Variants in RANBP17 observed in about 807,000 individuals in gnomAD.
RANBP17 encodes RAN binding protein 17.
A neutral mutation model predicts 141.2 loss-of-function variants in RANBP17; 158 were observed. The ratio of observed to expected loss-of-function variants is 1.12; its 90% CI spans 0.98 to 1.28. The LOEUF (loss-of-function observed/expected upper bound fraction) is 1.28, where lower values mean the gene tolerates loss of function less well. Ranked by LOEUF, RANBP17 falls within the 50% of genes most tolerant of loss-of-function variation. RANBP17 has a pLI of 0.00. For missense variants in RANBP17, 1,438 were observed against 1,290.7 expected (o/e 1.11, Z -1.75); for synonymous variants, 430 against 450.0 (o/e 0.96, Z 0.56).
chr5:170,973,232 GATGAA>G (rs1341397871), intron 14 of RANBP17, among the ~76,000 whole-genome samples: 1 of 152,170 alleles, frequency 6.6e-6, no homozygotes, highest in African/African-American at 2.4e-5. Flanking sequence ...AACAGCATAT[GATGAA>G]ATGAAGACCA....
intron 14 of RANBP17, among the ~76,000 whole-genome samples, chr5:171,009,328 C>G (rs1466978416): frequency 1.3e-5 from 2 of 152,168 alleles, no homozygotes; most frequent in Non-Finnish European, 2.9e-5. Flanking sequence ...TTGGTGTTCT[C>G]TAAATCATAG....
chr5:171,160,748 C>G (rs1297233291), intron 14 of RANBP17, among the ~76,000 whole-genome samples: 3 of 152,072 alleles, frequency 2.0e-5, no homozygotes, highest in Non-Finnish European at 2.9e-5. Flanking sequence ...AGTTGCCACA[C>G]TTCTATAATG....
intron 14 of RANBP17, among the ~76,000 whole-genome samples, chr5:171,159,435 A>G (rs1330362364): frequency 2.0e-5 from 3 of 152,214 alleles, no homozygotes; most frequent in Non-Finnish European, 4.4e-5. Context: ...TATGTCCTAC[A>G]ATAGGAGAAG....
Position 171,199,443 on chromosome 5 carries a change from G to GA in RANBP17, c.2039-217dup, listed in dbSNP as rs886712544. Among the ~76,000 whole-genome samples, 136 of 148,450 alleles carry GA rather than the reference G, an allele frequency of 9.2e-4. 1 individual carries two copies. Among genetic ancestry groups the GA allele is most frequent in the Non-Finnish European group, 1.5e-3 (100 of 66,824 alleles). On this transcript the variant is annotated intron_variant, in intron 18 of 27. Transcript: ENST00000523189. ...TCTATTAGATCCACTAAAGAACCAG[G>GA]AAAAAAAAAATGGCTGGTAAGTAAT...
intron 14 of RANBP17, among the ~76,000 whole-genome samples, chr5:171,158,850 A>G (rs1271190798): frequency 2.6e-5 from 4 of 152,182 alleles, no homozygotes; most frequent in Admixed American, 2.6e-4. Flanking sequence ...TGCCTAACAC[A>G]TGATACTCTC....
chr5:171,190,645 A>G (rs1263274623), intron 18 of RANBP17, among the ~76,000 whole-genome samples: 1 of 152,186 alleles, frequency 6.6e-6, no homozygotes, highest in African/African-American at 2.4e-5. Context: ...TAAAGGAAAG[A>G]TAGTATTACC....
intron 1 of RANBP17, among the ~76,000 whole-genome samples, chr5:170,866,370 C>T (rs1341796558): frequency 3.3e-5 from 5 of 152,130 alleles, no homozygotes. Flanking sequence ...AAATCTGAAA[C>T]TACTGAGAAG....
chr5:171,265,086 T>G (rs1766580432), intron 24 of RANBP17, among the ~76,000 whole-genome samples: 1 of 152,204 alleles, frequency 6.6e-6, no homozygotes, highest in African/African-American at 2.4e-5. Flanking sequence ...CAGAGCACTT[T>G]GCACTAAGTA....
chr5:171,198,487 C>T (rs1325629343), intron 18 of RANBP17, among the ~76,000 whole-genome samples: 1 of 152,218 alleles, frequency 6.6e-6, no homozygotes, highest in Admixed American at 6.5e-5. Context: ...CTGCCAGGAC[C>T]TCCGTTACTT....
At chr5:171,194,660 T>C (rs1010693374) in intron 18 of RANBP17, among the ~76,000 whole-genome samples, 5 of 152,252 alleles carry the variant, frequency 3.3e-5, no homozygotes, top group African/African-American at 1.2e-4. Flanking sequence ...ATAATACAGC[T>C]GTGAGCATTT....
intron 14 of RANBP17, among the ~76,000 whole-genome samples, chr5:171,052,708 C>T (rs1179450038): frequency 6.6e-6 from 1 of 152,226 alleles, no homozygotes; most frequent in South Asian, 2.1e-4. Context: ...AGGACTCTTT[C>T]CAATTGCAAA....
At chr5:170,866,748 T>A (rs372710435) in intron 1 of RANBP17, 1 of 151,994 alleles carries the variant, frequency 6.6e-6, no homozygotes, top group Non-Finnish European at 1.5e-5. Context: ...TTTGGGTGAT[T>A]TTTTTATATC....
chr5:171,298,843 C>T lies in RANBP17; in HGVS notation c.3252C>T (p.Leu1084=), dbSNP rs771836030. 5 of 1,613,812 alleles carry T rather than the reference C, an allele frequency of 3.1e-6. No individual in the cohort carries two copies. In the African/African-American group the frequency reaches 5.3e-5, roughly 17 times the overall value. The part of the protein sequence containing the change: ...RSDGNTEPCS[L]DMMS ...ATGGCAACACTGAACCATGCAGTCT[C>T]GACATGATGAGCTGACCCGACTTTT... Residue 1084 remains leucine (L), a synonymous_variant, in exon 28 of 28, where the codon CTC becomes CTT. Transcript: ENST00000523189.
chr5:170,871,484 C>T (rs1025064110), intron 1 of RANBP17, among the ~76,000 whole-genome samples: 1 of 152,048 alleles, frequency 6.6e-6, no homozygotes, highest in Admixed American at 6.6e-5. Context: ...TTGCCTGTTC[C>T]CTCTGATGAT....
chr5:171,242,844 T>G, intron 24 of RANBP17, 24 bp downstream of exon 24: 1 of 1,609,822 alleles, frequency 6.2e-7, no homozygotes, highest in Non-Finnish European at 8.5e-7. Flanking sequence ...AGGACATTGT[T>G]TCCATAGGAA....
intron 14 of RANBP17, among the ~76,000 whole-genome samples, chr5:171,168,844 TTC>T (rs148930265): frequency 8.2e-4 from 121 of 148,080 alleles, no homozygotes; most frequent in Non-Finnish European, 8.6e-4. Flanking sequence ...CTCTCTCTGT[TTC>T]TCTCTCTCTC....
intron 14 of RANBP17, among the ~76,000 whole-genome samples, chr5:170,985,379 G>A (rs75636395): frequency 0.024 from 3,651 of 152,244 alleles, 128 homozygotes; most frequent in African/African-American, 0.082. Flanking sequence ...CATAAACAGT[G>A]ATACTGATCA....
rs148133219 is a variant in RANBP17, at chr5:171,022,625, C to A, written c.1710+54248C>A. ...GTGGGAGACATGTCTTCGTACCAAG[C>A]CTTCCAGCCTCCCTGGTCCCAGGAG... is the stretch of plus-strand genomic sequence containing the variant. On this transcript the variant is annotated intron_variant, in intron 14 of 27. Transcript: ENST00000523189. Among the ~76,000 whole-genome samples, 7 of 152,336 alleles carry A rather than the reference C, an allele frequency of 4.6e-5. No homozygotes were observed. The East Asian group carries it at 1.2e-3, about 25-fold the overall frequency.
At chr5:171,249,640 C>CA (rs1281202364) in intron 24 of RANBP17, among the ~76,000 whole-genome samples, 2 of 152,146 alleles carry the variant, frequency 1.3e-5, no homozygotes, top group African/African-American at 4.8e-5. Flanking sequence ...TTGAAAGCTT[C>CA]AATAGTTGGC....
Sources: gnomAD v4.1 joint callset for allele counts (sites outside exome capture counted in the v4.1 genomes callset) on GRCh38, gnomAD v4.1.1 for gene constraint, MANE v1.5 for transcripts, NCBI Gene and HGNC (gene_info 2026-07-23, HGNC 2026-07-21) for gene names.